Variants in ALS2 observed in about 807,000 individuals in gnomAD.
ALS2 encodes the protein alsin.
In ALS2, 117 loss-of-function variants were observed where a neutral mutation model predicts 203.4. The ratio of observed to expected loss-of-function variants is 0.58; its 90% CI spans 0.50 to 0.67. The LOEUF is 0.67. Among genes scored for constraint, ALS2 ranks in the 30% least tolerant of loss-of-function variants. The pLI, the probability that ALS2 is intolerant of heterozygous loss-of-function variation, is 0.00. For synonymous variants in ALS2, 718 were observed against 725.9 expected (o/e 0.99, Z 0.17); for missense variants, 1,715 against 1,989.4 (o/e 0.86, Z 2.62).
chr2:201,772,570 C>T (rs1236752637), intron 1 of ALS2, among the ~76,000 whole-genome samples: 1 of 152,044 alleles, frequency 6.6e-6, no homozygotes, highest in Non-Finnish European at 1.5e-5. Context: ...ACCACAGATC[C>T]CACAGGAAGT....
Position 201,705,436 on chromosome 2 carries a change from T to C in ALS2, c.4606A>G (p.Ile1536Val), listed in dbSNP as rs1415137732. 1 of 1,613,656 alleles carries C rather than the reference T, an allele frequency of 6.2e-7. No homozygotes were observed. The highest frequency in any genetic ancestry group is 8.5e-7 in the Non-Finnish European group (1 of 1,179,646). ...QRKFWPATLS[I>V]LGESKKVLPT... ...TATACCTTTTTACTCTCTCCAAGGA[T>C]TGACAAGGTTGCTGGCCAAAATTTC... The change falls in exon 30 of 34, where the codon ATC (isoleucine) becomes GTC (valine). Residue 1536 changes from isoleucine (I) to valine (V), a missense_variant. Coordinates refer to ENST00000264276, the MANE Select transcript of ALS2 (RefSeq NM_020919.4).
intron 16 of ALS2, 114 bp from the exon 17 acceptor site, chr2:201,727,392 T>C (rs1003917932): frequency 1.0e-6 from 1 of 958,312 alleles, no homozygotes; most frequent in Middle Eastern, 2.1e-4. Context: ...AATCAATTAA[T>C]GTAAATGCTT....
intron 3 of ALS2, chr2:201,763,378 C>T: frequency 4.9e-6 from 1 of 205,958 alleles, no homozygotes; most frequent in Non-Finnish European, 9.9e-6. Context: ...CAGCCAGGGG[C>T]TGCACTGCCA....
At chr2:201,728,398 T>C (rs1691331063) in intron 15 of ALS2, 114 bp downstream of exon 15, 32 of 1,440,008 alleles carry the variant, frequency 2.2e-5, no homozygotes, top group Non-Finnish European at 2.9e-5. Flanking sequence ...TAGCCTCTTT[T>C]AGTCAACAGT....
At chr2:201,735,522 T>A (rs1047371248) in intron 12 of ALS2, among the ~76,000 whole-genome samples, 1 of 152,252 alleles carries the variant, frequency 6.6e-6, no homozygotes, top group Non-Finnish European at 1.5e-5. Flanking sequence ...GTGGGCAGCC[T>A]AGCTGTGCTT....
At chr2:201,720,435 G>C (rs1230689239) in intron 23 of ALS2, among the ~76,000 whole-genome samples, 1 of 151,152 alleles carries the variant, frequency 6.6e-6, no homozygotes, top group African/African-American at 2.4e-5. Flanking sequence ...AAGCATGGTG[G>C]CTCATGCCTG....
rs746224696 is a variant in ALS2, at chr2:201,725,395, T to C, written c.3308A>G (p.His1103Arg). ...ACCGCACATTTTTCCTTCTTTCCAATGGCCCACATAATGGTCTTCTTTGTT... is the reference window on the plus strand; with the variant it reads ...ACCGCACATTTTTCCTTCTTTCCAACGGCCCACATAATGGTCTTCTTTGTT... ...AMNKEDHYVGHWKEGKMCGQG... is the reference protein window; with the variant it reads ...AMNKEDHYVGRWKEGKMCGQG... The change falls in exon 20 of 34, where the codon CAT becomes CGT. Residue 1103 changes from histidine to arginine, a missense_variant. Physicochemically the swap from His to Arg is conservative, Grantham distance 29 (BLOSUM62 0). Transcript: ENST00000264276. 5 of 1,614,022 alleles carry C rather than the reference T, an allele frequency of 3.1e-6. No individual in the cohort carries two copies. The African/African-American group carries it at 4.0e-5, about 13-fold the overall frequency.
intron 11 of ALS2, among the ~76,000 whole-genome samples, chr2:201,740,899 G>A (rs1012385583): frequency 6.6e-6 from 1 of 152,126 alleles, no homozygotes; most frequent in African/African-American, 2.4e-5. Context: ...GGTGCTTTTC[G>A]CAGGCCCCAT....
In ALS2 at chr2:201,767,377, T is replaced by C. The variant is rs1214150163; in HGVS notation, c.27A>G (p.Thr9=). MDSKKRSS[T]EAEGSKERGL... is the part of the protein sequence containing the mutation. Reference sequence around the variant, plus strand: ...CTCTTTCCTTGGATCCTTCTGCCTCTGTTGAGCTAAAACATCAAGAAACAT... The same window carrying C: ...CTCTTTCCTTGGATCCTTCTGCCTCCGTTGAGCTAAAACATCAAGAAACAT... The change falls in exon 3 of 34, where the codon ACA becomes ACG. Residue 9 remains threonine (T), a synonymous_variant. Transcript: ENST00000264276. The C allele has an allele frequency of 1.2e-6, 2 of 1,614,146 alleles. No individual in the cohort carries two copies. Among genetic ancestry groups the C allele is most frequent in the Non-Finnish European group, 1.7e-6 (2 of 1,180,020 alleles).
chr2:201,760,874 C>T lies in ALS2; in HGVS notation c.1113+7G>A. On this transcript the variant is annotated splice_region_variant and intron_variant, in intron 4 of 33. Transcript: ENST00000264276. ...CACACTTTTATTTTATAAAATTGAG[C>T]AGGTACCTGAGATGGCACTGGCTTT... 3.1e-6 allele frequency: 5 copies of T among 1,609,180 alleles called. No homozygotes were observed. The highest frequency in any genetic ancestry group is 4.2e-6 in the Non-Finnish European group (5 of 1,176,622).
At chr2:201,732,275 C>A (rs1691603369) in intron 13 of ALS2, among the ~76,000 whole-genome samples, 1 of 151,936 alleles carries the variant, frequency 6.6e-6, no homozygotes, top group Non-Finnish European at 1.5e-5. Flanking sequence ...CTACAAGGGG[C>A]CAGCGTGGTG....
At chr2:201,752,194 C>A (rs1168797447) in intron 7 of ALS2, among the ~76,000 whole-genome samples, 2 of 152,108 alleles carry the variant, frequency 1.3e-5, no homozygotes, top group African/African-American at 4.8e-5. Context: ...ACTGACGCAT[C>A]TCATCCAAAA....
intron 4 of ALS2, chr2:201,759,320 A>G (rs1417718596): frequency 2.3e-6 from 2 of 854,652 alleles, no homozygotes; most frequent in Non-Finnish European, 2.8e-6. Context: ...TTATTTCCCA[A>G]GTGAGAGAGT....
intron 1 of ALS2, among the ~76,000 whole-genome samples, chr2:201,780,617 G>C (rs968075701): frequency 7.2e-5 from 11 of 152,208 alleles, no homozygotes; most frequent in African/African-American, 2.7e-4. Flanking sequence ...CCAGTCTGGG[G>C]AGGGAGAGAC....
intron 13 of ALS2, among the ~76,000 whole-genome samples, chr2:201,732,425 C>T (rs1160360441): frequency 1.3e-5 from 2 of 150,418 alleles, no homozygotes; most frequent in South Asian, 2.1e-4. Flanking sequence ...AAAAAGTAGC[C>T]GGTGTTGTGG....
chr2:201,773,352 A>C (rs1046477436), intron 1 of ALS2, among the ~76,000 whole-genome samples: 1 of 152,110 alleles, frequency 6.6e-6, no homozygotes, highest in Admixed American at 6.6e-5. Flanking sequence ...AATTTGGTGA[A>C]GAAGAGGTGA....
chr2:201,758,516 A>G (rs935884132), intron 4 of ALS2, among the ~76,000 whole-genome samples: 3 of 152,202 alleles, frequency 2.0e-5, no homozygotes, highest in African/African-American at 7.2e-5. Flanking sequence ...AAGTCAAACT[A>G]AAGTTTTCTG....
intron 29 of ALS2, 97 bp from the exon 30 acceptor site, chr2:201,705,558 C>G: frequency 1.1e-6 from 1 of 932,456 alleles, no homozygotes; most frequent in Non-Finnish European, 1.7e-6. Context: ...TCCTTGTCCC[C>G]ATTAAAAAGA....
At chr2:201,737,404 T>G (rs940677127) in intron 12 of ALS2, among the ~76,000 whole-genome samples, 3 of 152,146 alleles carry the variant, frequency 2.0e-5, no homozygotes, top group Admixed American at 6.5e-5. Context: ...ATTAAAACCT[T>G]AATACATTAA....
Sources: gnomAD v4.1 joint callset for allele counts (sites outside exome capture counted in the v4.1 genomes callset) on GRCh38, gnomAD v4.1.1 for gene constraint, MANE v1.5 for transcripts, NCBI Gene and HGNC (gene_info 2026-07-23, HGNC 2026-07-21) for gene names.